The following CCDC91 variants were observed in gnomAD, a reference collection of about 807,000 sequenced individuals.
The protein encoded by CCDC91 is coiled-coil domain-containing protein 91.
Under a neutral mutation model 63.2 loss-of-function variants are expected in CCDC91, and 48 were observed. That is an observed-to-expected ratio of 0.76 (90% CI 0.60 to 0.97). The LOEUF is 0.97. CCDC91 is among the 50% of genes least tolerant of loss of function. The pLI is 0.00. For synonymous variants in CCDC91, 167 were observed against 165.8 expected (o/e 1.01, Z -0.06); for missense variants, 500 against 494.6 (o/e 1.01, Z -0.10).
At chr12:28,287,215 G>T (rs944940065) in intron 3 of CCDC91, among the ~76,000 whole-genome samples, 3 of 152,068 alleles carry the variant, frequency 2.0e-5, no homozygotes, top group African/African-American at 4.8e-5. Flanking sequence ...AGTTTAATTA[G>T]ATCCCATTTG....
intron 11 of CCDC91, among the ~76,000 whole-genome samples, chr12:28,466,427 C>T (rs957967698): frequency 2.0e-5 from 3 of 151,994 alleles, no homozygotes; most frequent in Non-Finnish European, 4.4e-5. Flanking sequence ...AATCCAATTC[C>T]CAAAGATCAA....
chr12:28,516,779 A>T (rs1939993402), intron 12 of CCDC91, among the ~76,000 whole-genome samples: 1 of 151,864 alleles, frequency 6.6e-6, no homozygotes, highest in Non-Finnish European at 1.5e-5. Context: ...TTTTATAAGG[A>T]ACCCCCCTGA....
intron 6 of CCDC91, among the ~76,000 whole-genome samples, chr12:28,335,938 CTG>C (rs1941944235): frequency 6.8e-6 from 1 of 147,850 alleles, no homozygotes; most frequent in Non-Finnish European, 1.5e-5. Context: ...AAAGTTTGGA[CTG>C]TTTTTTTTTT....
intron 12 of CCDC91, among the ~76,000 whole-genome samples, chr12:28,521,389 A>G (rs1044705690): frequency 4.6e-5 from 7 of 152,268 alleles, no homozygotes; most frequent in African/African-American, 1.7e-4. Context: ...TTATTGGTGT[A>G]TAAGAATGCT....
intron 12 of CCDC91, among the ~76,000 whole-genome samples, chr12:28,539,541 G>C (rs1053443441): frequency 6.6e-5 from 10 of 152,178 alleles, no homozygotes; most frequent in African/African-American, 2.4e-4. Context: ...CAGGTAGCAT[G>C]ATGCCTCCAG....
At chr12:28,328,796 T>C (rs1941243174) in intron 6 of CCDC91, among the ~76,000 whole-genome samples, 1 of 152,104 alleles carries the variant, frequency 6.6e-6, no homozygotes, top group African/African-American at 2.4e-5. Context: ...CAGATGCGAT[T>C]TTTTTTTCTT....
At chr12:28,203,903 C>CTG (rs536454236) in intron 1 of CCDC91, among the ~76,000 whole-genome samples, 28 of 152,192 alleles carry the variant, frequency 1.8e-4, no homozygotes, top group South Asian at 1.5e-3. Context: ...TTATTAAACA[C>CTG]TGTGTGCTAT....
intron 12 of CCDC91, among the ~76,000 whole-genome samples, chr12:28,528,432 G>A (rs745672979): frequency 2.0e-5 from 3 of 152,180 alleles, no homozygotes; most frequent in Non-Finnish European, 2.9e-5. Flanking sequence ...TGGGGCAGAC[G>A]ATCTCCCTTT....
intron 8 of CCDC91, among the ~76,000 whole-genome samples, chr12:28,428,990 C>A (rs1948485616): frequency 6.6e-6 from 1 of 151,942 alleles, no homozygotes; most frequent in Non-Finnish European, 1.5e-5. Context: ...ACCTGTTTTG[C>A]CACTAAACCA....
chr12:28,264,470 C>A (rs1194826130), intron 3 of CCDC91, among the ~76,000 whole-genome samples: 6 of 150,504 alleles, frequency 4.0e-5, no homozygotes, highest in African/African-American at 1.5e-4. Flanking sequence ...TTTTAGTAAA[C>A]TAATAAGAGC....
intron 12 of CCDC91, among the ~76,000 whole-genome samples, chr12:28,491,608 G>C (rs1952006237): frequency 6.6e-6 from 1 of 151,670 alleles, no homozygotes; most frequent in Non-Finnish European, 1.5e-5. Flanking sequence ...TGTGGACTAG[G>C]CTATATAATA....
intron 12 of CCDC91, among the ~76,000 whole-genome samples, chr12:28,541,443 A>G (rs1029201230): frequency 6.6e-6 from 1 of 152,138 alleles, no homozygotes; most frequent in Non-Finnish European, 1.5e-5. Context: ...CTTAAAGGTC[A>G]TCTAACTTCT....
chr12:28,421,781 C>T (rs1948029909), intron 8 of CCDC91, among the ~76,000 whole-genome samples: 1 of 152,032 alleles, frequency 6.6e-6, no homozygotes, highest in African/African-American at 2.4e-5. Flanking sequence ...CTAGCCCCCA[C>T]AAGCCTGTGA....
At chr12:28,526,046 G>A (rs1259783565) in intron 12 of CCDC91, among the ~76,000 whole-genome samples, 1 of 151,692 alleles carries the variant, frequency 6.6e-6, no homozygotes, top group East Asian at 1.9e-4. Flanking sequence ...TTATCTATTC[G>A]GCAATTTTGT....
chr12:28,211,931 C>A (rs1186128941), intron 1 of CCDC91, among the ~76,000 whole-genome samples: 1 of 152,178 alleles, frequency 6.6e-6, no homozygotes, highest in African/African-American at 2.4e-5. Context: ...TAACTGGTCC[C>A]TAGCCAGTTA....
At chr12:28,286,415 G>A (rs1948920577) in intron 3 of CCDC91, among the ~76,000 whole-genome samples, 1 of 152,068 alleles carries the variant, frequency 6.6e-6, no homozygotes, top group Admixed American at 6.5e-5. Context: ...CTCTCCATGT[G>A]TTCTCATCAT....
intron 3 of CCDC91, among the ~76,000 whole-genome samples, chr12:28,279,797 CTT>C (rs749633376): frequency 1.1e-4 from 17 of 151,762 alleles, no homozygotes; most frequent in Non-Finnish European, 2.4e-4. Context: ...ATGCTAGAAA[CTT>C]TATTTTTCTT....
At chr12:28,257,355 C>A in intron 2 of CCDC91, 110 bp downstream of exon 2, 1 of 672,244 alleles carries the variant, frequency 1.5e-6, no homozygotes, top group African/African-American at 1.9e-5. Context: ...TTTCCTTGAT[C>A]ATTTTAATGT....
At chr12:28,278,286 C>G (rs1458781934) in intron 3 of CCDC91, among the ~76,000 whole-genome samples, 1 of 151,964 alleles carries the variant, frequency 6.6e-6, no homozygotes, top group Non-Finnish European at 1.5e-5. Context: ...CTTTTGACTT[C>G]TTTACTTATC....
Sources: allele counts gnomAD v4.1 joint callset (sites outside exome capture counted in the v4.1 genomes callset), GRCh38; gene constraint gnomAD v4.1.1; transcripts MANE v1.5; gene names NCBI Gene and HGNC (gene_info 2026-07-23, HGNC 2026-07-21).